Variants in CTIF observed in about 807,000 individuals in gnomAD.
CTIF encodes CBP80/20-dependent translation initiation factor.
Under a neutral mutation model 66.0 loss-of-function variants are expected in CTIF, and 21 were observed. The ratio of observed to expected loss-of-function variants is 0.32; its 90% CI spans 0.23 to 0.46. The LOEUF (loss-of-function observed/expected upper bound fraction) is 0.46. CTIF is among the 20% of genes least tolerant of loss of function. CTIF has a pLI of 1.00. For synonymous variants in CTIF, 345 were observed against 326.4 expected (o/e 1.06, Z -0.62); for missense variants, 739 against 812.7 (o/e 0.91, Z 1.10).
intron 9 of CTIF, among the ~76,000 whole-genome samples, chr18:48,763,857 T>C (rs969291702): frequency 5.9e-5 from 9 of 152,172 alleles, no homozygotes; most frequent in Non-Finnish European, 1.2e-4. Flanking sequence ...GAAACTGTCC[T>C]GGGTCCCCCT....
At position 48,842,561 on chromosome 18, in the gene CTIF, A is replaced by G. The variant is rs531752977; in HGVS notation, c.1528-15027A>G. On this transcript the variant is annotated intron_variant, in intron 10 of 11. Transcript: ENST00000256413. ...GCCTCAGAAGAGCAGCCTACCCCCA[A>G]GACTCTCAGACTTACTGCTGGGCAA... Among the ~76,000 whole-genome samples, 331 of 151,780 alleles carry G rather than the reference A, an allele frequency of 2.2e-3. 1 individual carries two copies. Among genetic ancestry groups the G allele is most frequent in the Admixed American group, 3.2e-3 (49 of 15,280 alleles).
At chr18:48,630,967 G>A (rs1043319954) in intron 2 of CTIF, among the ~76,000 whole-genome samples, 18 of 151,910 alleles carry the variant, frequency 1.2e-4, no homozygotes, top group Middle Eastern at 3.4e-3. Flanking sequence ...ATGAGCCACC[G>A]CACCCAGCCC....
chr18:48,735,550 AGGAGACTG>A (rs1234912104), intron 7 of CTIF, among the ~76,000 whole-genome samples: 17 of 152,268 alleles, frequency 1.1e-4, no homozygotes, highest in Admixed American at 4.6e-4. Flanking sequence ...GCTTGAGAGA[AGGAGACTG>A]GAAGACTGGA....
chr18:48,547,694 G>A (rs1037053309), intron 1 of CTIF, among the ~76,000 whole-genome samples: 9 of 152,182 alleles, frequency 5.9e-5, no homozygotes, highest in Non-Finnish European at 1.2e-4. Flanking sequence ...CATCCTGCTT[G>A]CTTCTGCTGG....
intron 6 of CTIF, among the ~76,000 whole-genome samples, chr18:48,703,978 T>G (rs913826569): frequency 1.3e-5 from 2 of 152,132 alleles, no homozygotes; most frequent in African/African-American, 4.8e-5. Context: ...GCTCTCCCAC[T>G]TCTGGGCCTG....
At chr18:48,826,222 A>G (rs780409674) in intron 10 of CTIF, 2 of 152,184 alleles carry the variant, frequency 1.3e-5, no homozygotes, top group African/African-American at 2.4e-5. Context: ...CCTTGCAGGG[A>G]ACTGTCAGTT....
At chr18:48,833,071 AG>A (rs2068729130) in intron 10 of CTIF, among the ~76,000 whole-genome samples, 3 of 152,176 alleles carry the variant, frequency 2.0e-5, no homozygotes, top group African/African-American at 7.2e-5. Flanking sequence ...GGTTTGGGCA[AG>A]GGGAGGCGAG....
At chr18:48,599,355 T>C (rs1017091590) in intron 1 of CTIF, among the ~76,000 whole-genome samples, 3 of 151,554 alleles carry the variant, frequency 2.0e-5, no homozygotes, top group African/African-American at 7.3e-5. Flanking sequence ...TTCATAAAAA[T>C]GCCAAAATCT....
rs775261925 is a variant in CTIF, at chr18:48,554,564, G to A, written c.-29+15252G>A. 2.8e-4 allele frequency among the ~76,000 whole-genome samples: 43 copies of A among 152,262 alleles called. 1 individual carries two copies. The South Asian group carries it at 5.2e-3, about 18-fold the overall frequency. ...AAAGCCCCCTGAAGGCAGGATCCAC[G>A]ATGGAGGAGCATTATCGTACTCTGG... is the stretch of plus-strand genomic sequence containing the variant. On this transcript the variant is annotated intron_variant, in intron 1 of 11. Coordinates refer to ENST00000256413, the MANE Select transcript of CTIF (RefSeq NM_014772.3).
intron 9 of CTIF, among the ~76,000 whole-genome samples, chr18:48,778,367 A>G (rs55708810): frequency 0.55 from 84,281 of 152,030 alleles, 23,867 homozygotes; most frequent in African/African-American, 0.64. Flanking sequence ...GCAGGGGAGG[A>G]TGTGAGCAGG....
intron 10 of CTIF, among the ~76,000 whole-genome samples, chr18:48,847,142 T>C (rs1041276973): frequency 6.6e-6 from 1 of 151,894 alleles, no homozygotes; most frequent in Non-Finnish European, 1.5e-5. Context: ...ACCCCATCTC[T>C]ACTAAAAATA....
At chr18:48,599,540 C>T (rs563167279) in intron 1 of CTIF, among the ~76,000 whole-genome samples, 3 of 152,286 alleles carry the variant, frequency 2.0e-5, no homozygotes, top group South Asian at 4.1e-4. Flanking sequence ...TCCTACATAT[C>T]ATGGTGTCAT....
chr18:48,616,339 C>T (rs2090399701), intron 1 of CTIF, among the ~76,000 whole-genome samples: 2 of 152,338 alleles, frequency 1.3e-5, no homozygotes, highest in African/African-American at 4.8e-5. Flanking sequence ...AGGCACGGAG[C>T]CTGCTTGGGG....
chr18:48,689,723 TCA>T (rs746401595), intron 6 of CTIF, among the ~76,000 whole-genome samples: 104 of 152,212 alleles, frequency 6.8e-4, no homozygotes, highest in African/African-American at 1.9e-3. Context: ...GAGTCAGAGG[TCA>T]CTGTACACAG....
chr18:48,825,748 G>A (rs1369013376), intron 10 of CTIF, among the ~76,000 whole-genome samples: 1 of 152,222 alleles, frequency 6.6e-6, no homozygotes, highest in East Asian at 1.9e-4. Flanking sequence ...CTCTGATGGG[G>A]AGCAGAGATT....
chr18:48,601,313 C>T (rs1035683973), intron 1 of CTIF, among the ~76,000 whole-genome samples: 2 of 152,306 alleles, frequency 1.3e-5, no homozygotes, highest in Admixed American at 6.5e-5. Flanking sequence ...ATGTACTGAC[C>T]GCATGTTTAG....
chr18:48,683,898 C>T (rs1203229378), intron 6 of CTIF, among the ~76,000 whole-genome samples: 5 of 152,200 alleles, frequency 3.3e-5, no homozygotes, highest in African/African-American at 1.2e-4. Context: ...GGCTCCCAAG[C>T]TCTCATGGGG....
intron 1 of CTIF, among the ~76,000 whole-genome samples, chr18:48,575,292 C>T (rs553105759): frequency 3.1e-4 from 47 of 152,326 alleles, no homozygotes; most frequent in African/African-American, 1.1e-3. Flanking sequence ...CTTTGCCCCC[C>T]GACAGCTGTT....
At chr18:48,549,309 C>G (rs764934099) in intron 1 of CTIF, among the ~76,000 whole-genome samples, 1 of 152,176 alleles carries the variant, frequency 6.6e-6, no homozygotes, top group Non-Finnish European at 1.5e-5. Flanking sequence ...TATCTTATAT[C>G]TCACCATGAT....
Sources: gnomAD v4.1 joint callset for allele counts (sites outside exome capture counted in the v4.1 genomes callset) on GRCh38, gnomAD v4.1.1 for gene constraint, MANE v1.5 for transcripts, NCBI Gene and HGNC (gene_info 2026-07-23, HGNC 2026-07-21) for gene names.